Variants in BMP5 observed in about 807,000 individuals in gnomAD.
BMP5 encodes the protein bone morphogenetic protein 5.
In BMP5, 23 loss-of-function variants were observed where a neutral mutation model predicts 46.6. The ratio of observed to expected loss-of-function variants is 0.49; its 90% confidence interval spans 0.35 to 0.70. The LOEUF is 0.70. BMP5 is among the 30% of genes least tolerant of loss of function. The pLI, the probability that BMP5 is intolerant of heterozygous loss-of-function variation, is 0.00. For missense variants in BMP5, 545 were observed against 565.6 expected (o/e 0.96, Z 0.37); for synonymous variants, 204 against 191.9 (o/e 1.06, Z -0.52).
intron 3 of BMP5, among the ~76,000 whole-genome samples, chr6:55,776,903 TA>T (rs1210107014): frequency 1.3e-5 from 2 of 151,974 alleles, no homozygotes; most frequent in Non-Finnish European, 2.9e-5. Flanking sequence ...ATTTATGTTC[TA>T]AAAACTGAAA....
intron 1 of BMP5, among the ~76,000 whole-genome samples, chr6:55,871,458 CTAAAA>C (rs1243245514): frequency 6.6e-6 from 1 of 151,772 alleles, no homozygotes; most frequent in South Asian, 2.1e-4. Context: ...AAACGAGTCA[CTAAAA>C]TAAAGGTTAA....
intron 1 of BMP5, among the ~76,000 whole-genome samples, chr6:55,850,340 A>G (rs1006418194): frequency 6.9e-6 from 1 of 144,798 alleles, no homozygotes; most frequent in African/African-American, 2.6e-5. Context: ...ATAGATAGGT[A>G]GTTAGGTAAG....
chr6:55,852,281 T>G (rs149066739), intron 1 of BMP5, among the ~76,000 whole-genome samples: 30 of 152,240 alleles, frequency 2.0e-4, no homozygotes, highest in African/African-American at 7.0e-4. Context: ...GATGAGTTTT[T>G]TTTGTATATT....
intron 1 of BMP5, among the ~76,000 whole-genome samples, chr6:55,839,303 AT>A (rs1314223593): frequency 6.6e-6 from 1 of 151,162 alleles, no homozygotes; most frequent in African/African-American, 2.4e-5. Context: ...TAAGGTTTTT[AT>A]TTTTTATTTA....
At chr6:55,779,481 G>C (rs1261455130) in intron 3 of BMP5, among the ~76,000 whole-genome samples, 1 of 151,814 alleles carries the variant, frequency 6.6e-6, no homozygotes, top group Non-Finnish European at 1.5e-5. Flanking sequence ...TTTGATTCTG[G>C]TACTGTGAAA....
intron 3 of BMP5, 74 bp downstream of exon 3, chr6:55,794,205 T>G: frequency 6.6e-7 from 1 of 1,503,840 alleles, no homozygotes; most frequent in Non-Finnish European, 9.2e-7. Flanking sequence ...ATATTGGTTA[T>G]ATCACATAAA....
At chr6:55,760,034 A>G (rs1343885921) in intron 5 of BMP5, among the ~76,000 whole-genome samples, 4 of 151,938 alleles carry the variant, frequency 2.6e-5, no homozygotes, top group Middle Eastern at 3.4e-3. Flanking sequence ...ATAGCAATAC[A>G]TTTTTAAGTG....
chr6:55,862,400 T>A (rs1186904725), intron 1 of BMP5, among the ~76,000 whole-genome samples: 1 of 152,208 alleles, frequency 6.6e-6, no homozygotes, highest in Non-Finnish European at 1.5e-5. Flanking sequence ...AATCCCCTTT[T>A]ATTTCAATTT....
intron 4 of BMP5, among the ~76,000 whole-genome samples, chr6:55,771,272 A>C (rs1180429699): frequency 1.3e-5 from 2 of 151,846 alleles, no homozygotes; most frequent in Non-Finnish European, 2.9e-5. Flanking sequence ...TTATATCTTC[A>C]AGGATAGCTA....
chr6:55,767,012 G>A (rs1331529946), intron 4 of BMP5, among the ~76,000 whole-genome samples: 2 of 152,006 alleles, frequency 1.3e-5, no homozygotes, highest in African/African-American at 2.4e-5. Context: ...TATAATGGGA[G>A]TTTATTTGAT....
At chr6:55,788,821 C>T (rs17733982) in intron 3 of BMP5, among the ~76,000 whole-genome samples, 7,142 of 151,922 alleles carry the variant, frequency 0.047, 283 homozygotes, top group Middle Eastern at 0.078. Context: ...ATGTAGCTAT[C>T]TGTTCATTTA....
intron 5 of BMP5, 29 bp from the exon 6 acceptor site, chr6:55,759,144 CAAAAAAAAAAAAAAAAAAAAAAAAAA>C (rs754365141): frequency 3.6e-5 from 3 of 84,130 alleles, no homozygotes; most frequent in East Asian, 2.4e-4. Flanking sequence ...CACACACACA[CAAAAAAAAAAAAAAAAAAAAAAAAAA>C]AAAAAAAAAA....
intron 1 of BMP5, among the ~76,000 whole-genome samples, chr6:55,845,737 A>C (rs1431599806): frequency 1.3e-5 from 2 of 151,946 alleles, no homozygotes. Context: ...TATGATTTGG[A>C]GGTTACACCA....
At chr6:55,862,696 T>C (rs1445612313) in intron 1 of BMP5, among the ~76,000 whole-genome samples, 1 of 152,202 alleles carries the variant, frequency 6.6e-6, no homozygotes, top group South Asian at 2.1e-4. Flanking sequence ...TAGCATCCAG[T>C]GTAAAATATA....
intron 3 of BMP5, among the ~76,000 whole-genome samples, chr6:55,787,421 T>G (rs1775475372): frequency 6.6e-6 from 1 of 151,690 alleles, no homozygotes; most frequent in African/African-American, 2.4e-5. Context: ...GGACTTTAGA[T>G]ACTGGAATAT....
At position 55,780,052 on chromosome 6, in the gene BMP5, C is replaced by T. The variant is rs185965183; in HGVS notation, c.833-5809G>A. The stretch of plus-strand genomic sequence containing the variant: ...AATACCTTGGCTGGACTTTTCTCTT[C>T]TCTTCTTTTTACTGACATTTAAAAG... On this transcript the variant is annotated intron_variant, in intron 3 of 6. Transcript: ENST00000370830. Among the ~76,000 whole-genome samples, 468 of 151,834 alleles carry T rather than the reference C, an allele frequency of 3.1e-3. 2 individuals carry two copies. Among genetic ancestry groups the T allele is most frequent in the African/African-American group, 0.011 (445 of 41,452 alleles).
intron 4 of BMP5, among the ~76,000 whole-genome samples, chr6:55,761,594 C>T (rs1774781302): frequency 6.6e-6 from 1 of 152,090 alleles, no homozygotes; most frequent in Non-Finnish European, 1.5e-5. Context: ...TTTTCTCTCA[C>T]TAGTCCCTCT....
At chr6:55,853,312 C>CT (rs1777300367) in intron 1 of BMP5, among the ~76,000 whole-genome samples, 1 of 151,362 alleles carries the variant, frequency 6.6e-6, no homozygotes, top group South Asian at 2.1e-4. Context: ...AGCTCTCTCT[C>CT]TGTCTCTCTC....
chr6:55,852,836 A>G (rs1293261764), intron 1 of BMP5, among the ~76,000 whole-genome samples: 1 of 152,110 alleles, frequency 6.6e-6, no homozygotes, highest in Non-Finnish European at 1.5e-5. Flanking sequence ...TTTATTATTA[A>G]AATATTTGTT....
Sources: gnomAD v4.1 joint callset for allele counts (sites outside exome capture counted in the v4.1 genomes callset) on GRCh38, gnomAD v4.1.1 for gene constraint, MANE v1.5 for transcripts, NCBI Gene and HGNC (gene_info 2026-07-23, HGNC 2026-07-21) for gene names.